SMG6: variants seen among roughly 807,000 people sequenced by gnomAD.
SMG6 encodes SMG6 nonsense mediated mRNA decay factor, also known as telomerase-binding protein EST1A.
A neutral mutation model predicts 142.2 loss-of-function variants in SMG6; 66 were observed. The observed-to-expected ratio is 0.46, with a 90% CI of 0.38 to 0.57. The LOEUF (loss-of-function observed/expected upper bound fraction) is 0.57. SMG6 is among the 20% of genes least tolerant of loss of function. The pLI is 0.00. For synonymous variants in SMG6, 779 were observed against 702.4 expected (o/e 1.11, Z -1.72); for missense variants, 1,793 against 1,832.0 (o/e 0.98, Z 0.39).
intron 13 of SMG6, among the ~76,000 whole-genome samples, chr17:2,097,085 C>T (rs1419361993): frequency 6.6e-6 from 1 of 152,202 alleles, no homozygotes; most frequent in East Asian, 1.9e-4. Context: ...GTGGAGAGGA[C>T]TCAAGGCCCT....
At chr17:2,154,892 G>C (rs764026633) in intron 13 of SMG6, among the ~76,000 whole-genome samples, 1 of 151,858 alleles carries the variant, frequency 6.6e-6, no homozygotes, top group African/African-American at 2.4e-5. Flanking sequence ...AAAAATTAGC[G>C]GGGTGTGGTA....
At chr17:2,210,296 T>C (rs2072812206) in intron 10 of SMG6, among the ~76,000 whole-genome samples, 1 of 151,536 alleles carries the variant, frequency 6.6e-6, no homozygotes, top group African/African-American at 2.4e-5. Flanking sequence ...CTTTTTTTTT[T>C]TTTTTTAAGA....
intron 10 of SMG6, among the ~76,000 whole-genome samples, chr17:2,217,673 C>T (rs1170048794): frequency 6.6e-6 from 1 of 152,148 alleles, no homozygotes; most frequent in Non-Finnish European, 1.5e-5. Context: ...GCACTGGCTC[C>T]CCTCAGCCAC....
chr17:2,135,317 T>C (rs1049421785), intron 13 of SMG6, among the ~76,000 whole-genome samples: 1 of 152,264 alleles, frequency 6.6e-6, no homozygotes, highest in African/African-American at 2.4e-5. Context: ...ACTTATTTAT[T>C]TGTGGTGAGA....
chr17:2,235,761 A>G (rs2073632966), intron 10 of SMG6: 1 of 152,646 alleles, frequency 6.6e-6, no homozygotes, highest in South Asian at 2.1e-4. Flanking sequence ...CCTAAGTGAA[A>G]TGAAGGGAAC....
At chr17:2,219,393 AAAAC>A (rs2073109703) in intron 10 of SMG6, among the ~76,000 whole-genome samples, 1 of 152,154 alleles carries the variant, frequency 6.6e-6, no homozygotes, top group Non-Finnish European at 1.5e-5. Context: ...TCAAAAATAA[AAAAC>A]AAAATAAGAT....
intron 4 of SMG6, 39 bp from the exon 5 acceptor site, chr17:2,293,016 A>T: frequency 7.0e-7 from 1 of 1,420,620 alleles, no homozygotes; most frequent in Non-Finnish European, 1.0e-6. Flanking sequence ...AAGCCAAGAA[A>T]CACTAACTTC....
Position 2,236,511 on chromosome 17 carries a change from T to C in SMG6, c.2850A>G (p.Val950=). Residue 950 remains valine, a synonymous_variant, in exon 10 of 19, where the codon GTA becomes GTG. Transcript: ENST00000263073. ...LQLMTINMFA[V]HNSQLKDCFS... is the part of the protein sequence containing the mutation. ...CCTTACCTTTCAGCTGGGAGTTGTG[T>C]ACTGCAAACATATTGATGGTCATAA... 6.2e-7 allele frequency: 1 copy of C among 1,613,190 alleles called. No homozygotes were observed. The highest frequency in any genetic ancestry group is 1.3e-5 in the African/African-American group (1 of 75,022).
chr17:2,122,401 C>T (rs929321411), intron 13 of SMG6: 1 of 152,170 alleles, frequency 6.6e-6, no homozygotes, highest in African/African-American at 2.4e-5. Context: ...ATCCCTGTTG[C>T]CGTCACTAAA....
intron 18 of SMG6, among the ~76,000 whole-genome samples, chr17:2,063,622 A>G (rs570999796): frequency 1.3e-5 from 2 of 152,306 alleles, no homozygotes; most frequent in South Asian, 4.1e-4. Context: ...GCCTTCAGCA[A>G]TCCCGCCTAC....
rs1480946660 is a variant in SMG6, at chr17:2,086,000, C to A, written c.3358-99G>T. Reference sequence around the variant, plus strand: ...GCTGAGGGGCACAGGGGAACTGTGTCAAAGCTACCAGGCAAGGGGGTCAGA... The same window carrying A: ...GCTGAGGGGCACAGGGGAACTGTGTAAAAGCTACCAGGCAAGGGGGTCAGA... On this transcript the variant is annotated intron_variant, in intron 13 of 18. Coordinates refer to ENST00000263073, the MANE Select transcript of SMG6 (RefSeq NM_017575.5). The surrounding 1 kb of genome is among the most constrained non-coding windows in gnomAD (Gnocchi z 4.1). 5 of 1,233,514 alleles carry A rather than the reference C, an allele frequency of 4.1e-6. No individual in the cohort carries two copies. The East Asian group carries it at 1.2e-4, about 29-fold the overall frequency. The allele number at this position is 1,233,514 out of a possible 1,614,324, so 76.4% of individuals were successfully genotyped here.
chr17:2,080,626 C>T (rs964458292), intron 15 of SMG6, among the ~76,000 whole-genome samples: 4 of 151,632 alleles, frequency 2.6e-5, no homozygotes, highest in African/African-American at 7.3e-5. Flanking sequence ...GCTATTAGCA[C>T]TTTTTTCTTT....
chr17:2,148,465 C>T (rs186221781), intron 13 of SMG6, among the ~76,000 whole-genome samples: 19 of 152,326 alleles, frequency 1.2e-4, no homozygotes, highest in East Asian at 7.7e-4. Flanking sequence ...TGCTACGGCA[C>T]GGATAAAACG....
intron 10 of SMG6, among the ~76,000 whole-genome samples, chr17:2,194,679 G>T (rs764174803): frequency 6.8e-6 from 1 of 146,844 alleles, no homozygotes; most frequent in Non-Finnish European, 1.5e-5. Flanking sequence ...GTAAGACCCT[G>T]TCTCTACCAA....
At chr17:2,125,952 C>A (rs1385736680) in intron 13 of SMG6, among the ~76,000 whole-genome samples, 1,727 of 104,736 alleles carry the variant, frequency 0.016, no homozygotes, top group South Asian at 0.023. Context: ...GAACCCATCT[C>A]AAAAAAAAAA....
At chr17:2,154,015 C>T (rs963941639) in intron 13 of SMG6, among the ~76,000 whole-genome samples, 1 of 107,592 alleles carries the variant, frequency 9.3e-6, no homozygotes, top group African/African-American at 3.8e-5. Flanking sequence ...CCTGGGGATG[C>T]ATGTAGAGTG....
chr17:2,243,600 G>A (rs1342094377), intron 9 of SMG6, among the ~76,000 whole-genome samples: 1 of 152,160 alleles, frequency 6.6e-6, no homozygotes, highest in East Asian at 1.9e-4. Flanking sequence ...AGAATCACTT[G>A]AACTCAGAGG....
chr17:2,289,078 CAAAAAAAA>C (rs34494754), intron 6 of SMG6, among the ~76,000 whole-genome samples: 6 of 87,936 alleles, frequency 6.8e-5, no homozygotes, highest in African/African-American at 2.7e-4. Flanking sequence ...GACTCTGTCT[CAAAAAAAA>C]AAAAAAAAAA....
At chr17:2,146,947 G>A (rs897009789) in intron 13 of SMG6, among the ~76,000 whole-genome samples, 4 of 152,188 alleles carry the variant, frequency 2.6e-5, no homozygotes, top group African/African-American at 9.7e-5. Context: ...TCTTTGAGCT[G>A]GGTAGGGCAG....
Sources: allele counts gnomAD v4.1 joint callset (sites outside exome capture counted in the v4.1 genomes callset), GRCh38; gene constraint gnomAD v4.1.1; non-coding constraint Gnocchi (gnomAD v3.1); transcripts MANE v1.5; gene names NCBI Gene and HGNC (gene_info 2026-07-23, HGNC 2026-07-21).